GRIN1: variants seen among roughly 807,000 people sequenced by gnomAD.
GRIN1 encodes the protein glutamate receptor ionotropic, NMDA 1.
In GRIN1, 38 loss-of-function variants were observed where a neutral mutation model predicts 103.0. That is an observed-to-expected ratio of 0.37 (90% CI 0.28 to 0.48). GRIN1 has a LOEUF of 0.48. GRIN1 is among the 20% of genes least tolerant of loss of function. The pLI is 0.98. For missense variants in GRIN1, 577 were observed against 1,288.9 expected (o/e 0.45, Z 8.46); for synonymous variants, 544 against 532.7 (o/e 1.02, Z -0.29).
intron 4 of GRIN1, 97 bp from the exon 5 acceptor site, chr9:137,156,572 G>A (rs1308022431): frequency 2.0e-6 from 3 of 1,508,506 alleles, no homozygotes; most frequent in Non-Finnish European, 2.7e-6. Context: ...GATGGGGGCT[G>A]GGCAGGTCCC....
intron 8 of GRIN1, among the ~76,000 whole-genome samples, chr9:137,159,753 A>G (rs544204480): frequency 4.7e-4 from 71 of 152,350 alleles, no homozygotes; most frequent in African/African-American, 1.6e-3. Context: ...AAGCAAATCA[A>G]CTTCTTCAAT....
At chr9:137,148,980 G>T (rs200590355) in intron 3 of GRIN1, 29 bp from the exon 4 acceptor site, 6 of 1,533,044 alleles carry the variant, frequency 3.9e-6, no homozygotes, top group Non-Finnish European at 5.4e-6. Context: ...TGCCCCAGCC[G>T]CCTGCTAACA....
intron 8 of GRIN1, among the ~76,000 whole-genome samples, chr9:137,160,772 A>G (rs1452462556): frequency 6.6e-6 from 1 of 152,210 alleles, no homozygotes; most frequent in Non-Finnish European, 1.5e-5. Context: ...AGTGGCCAAG[A>G]GAAGGGTCCA....
rs1389859720 is a variant in GRIN1, at chr9:137,142,036, T to C, written c.282T>C (p.His94=). ...SSQVYAILVS[H]PPTPNDHFTP... is the part of the protein sequence containing the mutation. ...AGGTCTACGCCATCCTAGTTAGCCA[T>C]CCACCTACCCCCAACGACCACTTCA... Residue 94 remains histidine (H), a synonymous_variant, in exon 2 of 20, where the codon CAT becomes CAC. Coordinates refer to ENST00000371561, the MANE Select transcript of GRIN1 (RefSeq NM_007327.4). The C allele has an allele frequency of 6.2e-7, 1 of 1,613,958 alleles. No homozygotes were observed. The highest frequency in any genetic ancestry group is 1.3e-5 in the African/African-American group (1 of 74,900).
chr9:137,141,350 G>A (rs996104522), intron 1 of GRIN1, among the ~76,000 whole-genome samples: 5 of 152,274 alleles, frequency 3.3e-5, no homozygotes, highest in African/African-American at 7.2e-5. Flanking sequence ...GGGCTGAGCC[G>A]CTGGCTTTAG....
intron 16 of GRIN1, 69 bp from the exon 17 acceptor site, chr9:137,163,490 C>A: frequency 7.5e-7 from 1 of 1,329,534 alleles, no homozygotes; most frequent in South Asian, 1.2e-5. Context: ...CGCCCCGGCC[C>A]CGCCCCCAGC....
In GRIN1 at chr9:137,158,534, G is replaced by A. The variant is rs1283035200; in HGVS notation, c.1113+11G>A. On this transcript the variant is annotated intron_variant, in intron 7 of 19. Transcript: ENST00000371561. ...TACAATGGCACCCACGTAGGTGGGG[G>A]TCATGAGGGGGTGGGGGCTGGGGCC... The A allele has an allele frequency of 6.2e-7, 1 of 1,611,530 alleles. No homozygotes were observed. Among genetic ancestry groups the A allele is most frequent in the African/African-American group, 1.3e-5 (1 of 74,852 alleles).
At position 137,165,905 on chromosome 9, in the gene GRIN1, C is replaced by T. The variant is rs566541288; in HGVS notation, c.2700+609C>T. Among the ~76,000 whole-genome samples, 15 of 152,268 alleles carry T rather than the reference C, an allele frequency of 9.9e-5. No homozygotes were observed. The East Asian group carries it at 2.7e-3, about 27-fold the overall frequency. On this transcript the variant is annotated intron_variant, in intron 19 of 19. Coordinates refer to ENST00000371561, the MANE Select transcript of GRIN1 (RefSeq NM_007327.4). ...TCTGTGTGGGCCGGGGGCTGGGGGC[C>T]GGGCCTGGGTCCGTCTGGGTGGACG... is the stretch of plus-strand genomic sequence containing the variant.
In GRIN1 at chr9:137,162,992, C is replaced by T. The variant is rs897736251; in HGVS notation, c.2160C>T (p.Ala720=). The T allele has an allele frequency of 6.3e-6, 10 of 1,596,096 alleles. No homozygotes were observed. Among genetic ancestry groups the T allele is most frequent in the Admixed American group, 1.7e-5 (1 of 58,128 alleles). Residue 720 remains alanine (A), a synonymous_variant, in exon 15 of 20, where the codon GCC becomes GCT. Coordinates refer to ENST00000371561, the MANE Select transcript of GRIN1 (RefSeq NM_007327.4). The part of the protein sequence containing the change: ...NYESAAEAIQ[A]VRDNKLHAFI... The stretch of plus-strand genomic sequence containing the variant: ...AGAGTGCGGCGGAGGCCATCCAGGC[C>T]GTGAGAGACAAGTGAGGCGCGGGCG...
At chr9:137,148,681 C>T (rs1832679618) in intron 3 of GRIN1, among the ~76,000 whole-genome samples, 1 of 152,252 alleles carries the variant, frequency 6.6e-6, no homozygotes, top group Non-Finnish European at 1.5e-5. Flanking sequence ...CCGCTGCACG[C>T]CTCCTGAGTC....
chr9:137,147,751 C>A (rs1832630557), intron 3 of GRIN1, among the ~76,000 whole-genome samples: 1 of 152,230 alleles, frequency 6.6e-6, no homozygotes, highest in African/African-American at 2.4e-5. Context: ...GACATGGGGA[C>A]AGGCCCCGGG....
At chr9:137,142,200 C>T in intron 2 of GRIN1, 53 bp downstream of exon 2, 1 of 1,601,722 alleles carries the variant, frequency 6.2e-7, no homozygotes, top group Non-Finnish European at 8.5e-7. Flanking sequence ...AGGGCACAGC[C>T]TGGCCACTCC....
chr9:137,163,333 G>T lies in GRIN1; in HGVS notation c.2333+3G>T, dbSNP rs962894112. On this transcript the variant is annotated splice_donor_region_variant and intron_variant, in intron 16 of 19. Coordinates refer to ENST00000371561, the MANE Select transcript of GRIN1 (RefSeq NM_007327.4). The stretch of plus-strand genomic sequence containing the variant: ...AACGTCTCCCTGTCCATCCTCAAGT[G>T]AGTGTCCGTGCGCCCGCGTCCCTCC... The T allele has an allele frequency of 6.2e-7, 1 of 1,613,314 alleles. No individual in the cohort carries two copies. The highest frequency in any genetic ancestry group is 1.1e-5 in the South Asian group (1 of 91,080).
chr9:137,148,430 C>T (rs1030701300), intron 3 of GRIN1, among the ~76,000 whole-genome samples: 6 of 152,202 alleles, frequency 3.9e-5, no homozygotes, highest in Non-Finnish European at 5.9e-5. Context: ...CCTGCACCCT[C>T]GAGGCAGGCG....
rs938858264 is a variant in GRIN1 at position 137,164,163 on chromosome 9, T to G, written c.2589+259T>G. ...GCTCCAAGCCTCCGCCTGGCCCCTC[T>G]GTCTCCAGAGTCGCCCGCCGGTACC... On this transcript the variant is annotated intron_variant, in intron 18 of 19. Transcript: ENST00000371561. 11 of 543,864 alleles carry G rather than the reference T, an allele frequency of 2.0e-5. No homozygotes were observed. In the African/African-American group the frequency reaches 2.1e-4, roughly 10 times the overall value. The allele number at this position is 543,864 out of a possible 1,614,324, so 33.7% of individuals were successfully genotyped here. A position where few individuals can be genotyped will look rare whatever the true frequency, so the allele number is the denominator to read the frequency against.
intron 6 of GRIN1, 88 bp from the exon 7 acceptor site, chr9:137,158,291 G>C: frequency 7.0e-7 from 1 of 1,423,056 alleles, no homozygotes; most frequent in African/African-American, 1.4e-5. Context: ...CAGGGGGAAG[G>C]AGCAGGGAGA....
At chr9:137,167,061 C>T (rs1317688255) in intron 19 of GRIN1, among the ~76,000 whole-genome samples, 1 of 152,204 alleles carries the variant, frequency 6.6e-6, no homozygotes, top group African/African-American at 2.4e-5. Flanking sequence ...GGAACCCTCA[C>T]CCGAGCCTCT....
rs1832052066 is a variant in GRIN1 at position 137,139,578 on chromosome 9, C to T, written c.92C>T (p.Ala31Val). The T allele has an allele frequency of 6.2e-7, 1 of 1,613,276 alleles. No individual in the cohort carries two copies. Reference sequence around the variant, plus strand: ...GACCCCAAGATCGTCAACATTGGCGCGGTGCTGAGCACGCGGAAGCACGAG... The same window carrying T: ...GACCCCAAGATCGTCAACATTGGCGTGGTGCTGAGCACGCGGAAGCACGAG... ...ACDPKIVNIG[A>V]VLSTRKHEQM... Residue 31 changes from alanine (A) to valine (V), a missense_variant, in exon 1 of 20, where the codon GCG (alanine) becomes GTG (valine). By Grantham distance (64) the Ala-to-Val change is moderately conservative (BLOSUM62 0). Coordinates refer to ENST00000371561, the MANE Select transcript of GRIN1 (RefSeq NM_007327.4). The surrounding 1 kb of genome is among the most constrained non-coding windows in gnomAD (Gnocchi z 7.7).
In GRIN1 at chr9:137,161,187, G is replaced by A; in HGVS notation, c.1329G>A (p.Ser443=). The A allele has an allele frequency of 1.9e-6, 3 of 1,608,914 alleles. No individual in the cohort carries two copies. The highest frequency in any genetic ancestry group is 1.7e-6 in the Non-Finnish European group (2 of 1,178,392). Residue 443 remains serine (S), a synonymous_variant, in exon 9 of 20, where the codon TCG becomes TCA. Coordinates refer to ENST00000371561, the MANE Select transcript of GRIN1 (RefSeq NM_007327.4). ...TCTGCACCGGGCCCAACGACACGTC[G>A]CCGGGCAGCCGTGAGTGCGCGGGGC... ...KVICTGPNDT[S]PGSPRHTVPQ...
Sources: allele counts gnomAD v4.1 joint callset (sites outside exome capture counted in the v4.1 genomes callset), GRCh38; gene constraint gnomAD v4.1.1; non-coding constraint Gnocchi (gnomAD v3.1); transcripts MANE v1.5; gene names NCBI Gene and HGNC (gene_info 2026-07-23, HGNC 2026-07-21).